FAM221A: variants seen among roughly 807,000 people sequenced by gnomAD.
FAM221A encodes the protein family with sequence similarity 221 member A.
A neutral mutation model predicts 37.6 loss-of-function variants in FAM221A; 43 were observed. That is an observed-to-expected ratio of 1.15 (90% CI 0.90 to 1.48). FAM221A has a LOEUF of 1.48. Ranked by LOEUF, FAM221A falls within the 40% of genes most tolerant of loss-of-function variation. FAM221A has a pLI of 0.00. For missense variants in FAM221A, 361 were observed against 361.5 expected (o/e 1.00, Z 0.01); for synonymous variants, 135 against 132.9 (o/e 1.02, Z -0.11).
At chr7:23,687,596 A>G (rs1288773189) in intron 2 of FAM221A, 1 of 150,590 alleles carries the variant, frequency 6.6e-6, no homozygotes, top group African/African-American at 2.4e-5. Flanking sequence ...GACCTTTTCA[A>G]GTTTCTTGAA....
At chr7:23,690,170 CATATATAT>C (rs1175330292) in intron 3 of FAM221A, among the ~76,000 whole-genome samples, 25 of 68,596 alleles carry the variant, frequency 3.6e-4, no homozygotes, top group Non-Finnish European at 5.5e-4. Context: ...TGCCTTGGTT[CATATATAT>C]ATATATATAT....
intron 4 of FAM221A, among the ~76,000 whole-genome samples, chr7:23,696,568 T>C (rs1376262961): frequency 6.6e-6 from 1 of 152,040 alleles, no homozygotes; most frequent in African/African-American, 2.4e-5. Context: ...TGCCTCAAAG[T>C]AAATAAATAA....
At chr7:23,684,086 G>A (rs1320901957) in intron 1 of FAM221A, among the ~76,000 whole-genome samples, 2 of 152,108 alleles carry the variant, frequency 1.3e-5, no homozygotes, top group Non-Finnish European at 2.9e-5. Flanking sequence ...CTGAATCATG[G>A]AGGTTTGGGG....
intron 6 of FAM221A, 45 bp downstream of exon 6, chr7:23,700,913 GC>G (rs752869411): frequency 7.5e-6 from 9 of 1,196,928 alleles, no homozygotes; most frequent in Middle Eastern, 1.9e-4. Flanking sequence ...TTTACTTGTA[GC>G]AAAAGCACTA....
At chr7:23,690,343 T>A (rs1175389729) in intron 3 of FAM221A, among the ~76,000 whole-genome samples, 1 of 151,352 alleles carries the variant, frequency 6.6e-6, no homozygotes, top group Admixed American at 6.6e-5. Context: ...TAGCTGAGAT[T>A]ATAGGTGCCC....
chr7:23,684,179 A>G (rs1784225922), intron 1 of FAM221A, among the ~76,000 whole-genome samples: 1 of 151,558 alleles, frequency 6.6e-6, no homozygotes, highest in African/African-American at 2.4e-5. Flanking sequence ...TTTAGTCCCA[A>G]ACGGGTCCTT....
At chr7:23,686,931 A>G (rs1441491337) in intron 2 of FAM221A, 2 of 152,134 alleles carry the variant, frequency 1.3e-5, no homozygotes, top group African/African-American at 4.8e-5. Flanking sequence ...GATTACAGGC[A>G]TGCACCACCA....
At chr7:23,697,131 T>G (rs1185492022) in intron 4 of FAM221A, among the ~76,000 whole-genome samples, 1 of 152,136 alleles carries the variant, frequency 6.6e-6, no homozygotes, top group Non-Finnish European at 1.5e-5. Flanking sequence ...GCATTTGAGA[T>G]CAGTAGCACA....
chr7:23,699,028 G>A (rs568762127), intron 5 of FAM221A, among the ~76,000 whole-genome samples: 29 of 152,160 alleles, frequency 1.9e-4, no homozygotes, highest in African/African-American at 7.0e-4. Flanking sequence ...AGACACAGAG[G>A]AAAGTGCAGT....
chr7:23,701,920 AATAAAAC>A (rs1313169410), intron 6 of FAM221A, among the ~76,000 whole-genome samples, 169 bp from the exon 7 acceptor site: 1 of 152,260 alleles, frequency 6.6e-6, no homozygotes, highest in Non-Finnish European at 1.5e-5. Flanking sequence ...GTAAAATTAA[AATAAAAC>A]CATCTGAAAA....
intron 5 of FAM221A, 95 bp from the exon 6 acceptor site, chr7:23,700,691 C>A: frequency 4.0e-6 from 3 of 752,116 alleles, no homozygotes; most frequent in Non-Finnish European, 6.3e-6. Context: ...AAAAATAAAA[C>A]ATTATCACCG....
At chr7:23,688,517 T>G (rs1784501482) in intron 2 of FAM221A, 1 of 152,214 alleles carries the variant, frequency 6.6e-6, no homozygotes, top group Non-Finnish European at 1.5e-5. Context: ...AAAAGTCATA[T>G]TAAAATAAAT....
intron 3 of FAM221A, among the ~76,000 whole-genome samples, chr7:23,690,291 G>A (rs1235709686): frequency 6.8e-6 from 1 of 147,948 alleles, no homozygotes; most frequent in East Asian, 2.0e-4. Flanking sequence ...TGCAGCCTCT[G>A]CCTCCAGGGT....
chr7:23,684,536 C>A lies in FAM221A; in HGVS notation c.103C>A (p.Pro35Thr). 1 of 1,612,270 alleles carries A rather than the reference C, an allele frequency of 6.2e-7. No individual in the cohort carries two copies. Among genetic ancestry groups the A allele is most frequent in the Non-Finnish European group, 8.5e-7 (1 of 1,179,426 alleles). Residue 35 changes from proline (P) to threonine (T), a missense_variant, in exon 2 of 7, where the codon CCT becomes ACT. Transcript: ENST00000344962. ...GEDDGGKLFT[P>T]EEYEEYKRKV... ...GGATGATGGAGGGAAACTTTTTACTCCTGAAGAATATGAAGAATACAAAAG... is the reference window on the plus strand; with the variant it reads ...GGATGATGGAGGGAAACTTTTTACTACTGAAGAATATGAAGAATACAAAAG...
At chr7:23,681,575 T>C (rs1441493806) in intron 1 of FAM221A, among the ~76,000 whole-genome samples, 1 of 152,038 alleles carries the variant, frequency 6.6e-6, no homozygotes. Context: ...GGCCAGCTAA[T>C]TTTTGTATTT....
intron 6 of FAM221A, among the ~76,000 whole-genome samples, chr7:23,701,538 G>T (rs924892802): frequency 6.6e-6 from 1 of 152,070 alleles, no homozygotes; most frequent in Non-Finnish European, 1.5e-5. Context: ...CGCGCCTGGT[G>T]CCTATTTTGA....
intron 4 of FAM221A, 137 bp from the exon 5 acceptor site, chr7:23,698,055 C>CA: frequency 1.7e-6 from 1 of 588,496 alleles, no homozygotes; most frequent in East Asian, 3.2e-5. Context: ...CCATTACACC[C>CA]AGTCTAAAAT....
At chr7:23,698,064 A>ATT in intron 4 of FAM221A, 128 bp from the exon 5 acceptor site, 4 of 538,120 alleles carry the variant, frequency 7.4e-6, no homozygotes, top group Non-Finnish European at 1.3e-5. Flanking sequence ...CCAGTCTAAA[A>ATT]TTTTTTTTTT....
At chr7:23,690,200 T>TATATATATATATG (rs1491098232) in intron 3 of FAM221A, among the ~76,000 whole-genome samples, 1 of 18,592 alleles carries the variant, frequency 5.4e-5, no homozygotes, top group Non-Finnish European at 1.0e-4. Context: ...TATATATATA[T>TATATATATATATG]TTTTTTTTTT....
Sources: gnomAD v4.1 joint callset for allele counts (sites outside exome capture counted in the v4.1 genomes callset) on GRCh38, gnomAD v4.1.1 for gene constraint, MANE v1.5 for transcripts, NCBI Gene and HGNC (gene_info 2026-07-23, HGNC 2026-07-21) for gene names.